Variants in CTNNA1 observed in about 807,000 individuals in gnomAD.
CTNNA1 encodes catenin alpha 1.
In CTNNA1, 37 loss-of-function variants were observed where a neutral mutation model predicts 98.4. The observed-to-expected ratio is 0.38, with a 90% CI of 0.29 to 0.49. CTNNA1 has a LOEUF of 0.49. CTNNA1 is among the 20% of genes least tolerant of loss of function. CTNNA1 has a pLI of 0.95. For synonymous variants in CTNNA1, 404 were observed against 413.2 expected (o/e 0.98, Z 0.27); for missense variants, 761 against 1,147.2 (o/e 0.66, Z 4.86).
At chr5:138,883,876 T>C (rs1334625464) in intron 7 of CTNNA1, among the ~76,000 whole-genome samples, 1 of 152,248 alleles carries the variant, frequency 6.6e-6, no homozygotes, top group East Asian at 1.9e-4. Flanking sequence ...CAGTTTTAGC[T>C]ACCTTTGTCT....
At chr5:138,825,443 A>G (rs1760568095) in intron 6 of CTNNA1, among the ~76,000 whole-genome samples, 1 of 136,120 alleles carries the variant, frequency 7.3e-6, no homozygotes, top group Non-Finnish European at 1.5e-5. Flanking sequence ...ATTCCTACCC[A>G]CAGTGCCTCT....
chr5:138,859,140 A>T (rs915293789), intron 7 of CTNNA1, among the ~76,000 whole-genome samples: 1 of 152,234 alleles, frequency 6.6e-6, no homozygotes, highest in African/African-American at 2.4e-5. Context: ...TTCATTGATT[A>T]AAAATTCCTT....
At chr5:138,922,014 G>A (rs1190466043) in intron 11 of CTNNA1, among the ~76,000 whole-genome samples, 1 of 151,594 alleles carries the variant, frequency 6.6e-6, no homozygotes, top group Non-Finnish European at 1.5e-5. Context: ...ATGAAACATT[G>A]TTTTCATTTT....
intron 9 of CTNNA1, among the ~76,000 whole-genome samples, chr5:138,898,271 A>G (rs955640964): frequency 4.0e-5 from 6 of 150,338 alleles, no homozygotes; most frequent in Admixed American, 6.8e-5. Context: ...AGCAGGTGCT[A>G]CTATGCTTTC....
At chr5:138,929,652 C>T (rs560010820) in intron 14 of CTNNA1, among the ~76,000 whole-genome samples, 2 of 152,190 alleles carry the variant, frequency 1.3e-5, no homozygotes, top group South Asian at 2.1e-4. Context: ...TTGAAAGGAT[C>T]GTGAAATTTG....
chr5:138,795,331 A>T (rs1350016584), intron 3 of CTNNA1, among the ~76,000 whole-genome samples: 3 of 151,958 alleles, frequency 2.0e-5, no homozygotes, highest in Non-Finnish European at 4.4e-5. Flanking sequence ...GTTGGCGCAC[A>T]TCTGTAATCC....
intron 1 of CTNNA1, among the ~76,000 whole-genome samples, chr5:138,778,056 C>T (rs1754598019): frequency 7.3e-6 from 1 of 136,318 alleles, no homozygotes; most frequent in Non-Finnish European, 1.5e-5. Context: ...GCAGTGGCAC[C>T]ATCTCCACTC....
chr5:138,927,908 G>T (rs985846684), intron 13 of CTNNA1, among the ~76,000 whole-genome samples: 1 of 152,172 alleles, frequency 6.6e-6, no homozygotes, highest in African/African-American at 2.4e-5. Flanking sequence ...AACTGTCAGT[G>T]CTGGCATTGT....
intron 9 of CTNNA1, among the ~76,000 whole-genome samples, chr5:138,901,161 T>C (rs987847329): frequency 1.3e-5 from 2 of 152,130 alleles, no homozygotes; most frequent in Non-Finnish European, 2.9e-5. Context: ...TCCCCTCTTT[T>C]CTCTTTTCTC....
intron 11 of CTNNA1, among the ~76,000 whole-genome samples, chr5:138,919,919 A>G (rs1350406889): frequency 7.0e-6 from 1 of 142,296 alleles, no homozygotes; most frequent in South Asian, 2.2e-4. Context: ...CAGCATTCAG[A>G]CTCCTTTATG....
At chr5:138,905,230 C>T (rs1028428021) in intron 10 of CTNNA1, among the ~76,000 whole-genome samples, 1 of 152,050 alleles carries the variant, frequency 6.6e-6, no homozygotes, top group Non-Finnish European at 1.5e-5. Flanking sequence ...GCAAAGGTTG[C>T]AGTGAGCCGA....
chr5:138,763,535 G>A (rs2149584848), intron 1 of CTNNA1, among the ~76,000 whole-genome samples: 1 of 152,242 alleles, frequency 6.6e-6, no homozygotes, highest in South Asian at 2.1e-4. Context: ...GTAGAGACAG[G>A]TCTCACCATA....
At chr5:138,804,384 G>T (rs1474221776) in intron 3 of CTNNA1, among the ~76,000 whole-genome samples, 3 of 151,574 alleles carry the variant, frequency 2.0e-5, no homozygotes, top group African/African-American at 7.3e-5. Context: ...TTATTAGGTT[G>T]TGCAGCCATC....
intron 7 of CTNNA1, among the ~76,000 whole-genome samples, chr5:138,835,829 C>T (rs972321714): frequency 3.9e-5 from 6 of 151,974 alleles, no homozygotes; most frequent in African/African-American, 1.5e-4. Flanking sequence ...TGACTATAGG[C>T]TTCATGCTGT....
intron 3 of CTNNA1, among the ~76,000 whole-genome samples, chr5:138,792,885 C>T (rs1473748867): frequency 6.6e-6 from 1 of 152,192 alleles, no homozygotes. Context: ...AGCAAGAAAT[C>T]AGCTGATTTT....
At chr5:138,863,260 G>A (rs1231932550) in intron 7 of CTNNA1, among the ~76,000 whole-genome samples, 2 of 151,756 alleles carry the variant, frequency 1.3e-5, no homozygotes, top group Admixed American at 1.3e-4. Flanking sequence ...TTTTGAAACA[G>A]TGTCTTGCTC....
intron 7 of CTNNA1, chr5:138,880,917 T>A: frequency 2.5e-6 from 1 of 400,472 alleles, no homozygotes. Flanking sequence ...GGAGGGGCAG[T>A]GACAAGTGAT....
intron 10 of CTNNA1, 126 bp downstream of exon 10, chr5:138,904,567 C>A: frequency 8.3e-7 from 1 of 1,204,296 alleles, no homozygotes; most frequent in Non-Finnish European, 1.1e-6. Context: ...GGGGACAGAT[C>A]ACTGACACAG....
At chr5:138,781,070 A>AT (rs1437433465) in intron 1 of CTNNA1, among the ~76,000 whole-genome samples, 1 of 152,212 alleles carries the variant, frequency 6.6e-6, no homozygotes, top group Non-Finnish European at 1.5e-5. Context: ...GCTATGAGTG[A>AT]TAATAGCTGT....
Sources: allele counts gnomAD v4.1 joint callset (sites outside exome capture counted in the v4.1 genomes callset), GRCh38; gene constraint gnomAD v4.1.1; transcripts MANE v1.5; gene names NCBI Gene and HGNC (gene_info 2026-07-23, HGNC 2026-07-21).